The following SLC1A5 variants were observed in gnomAD, a reference collection of about 807,000 sequenced individuals.
SLC1A5 encodes the protein neutral amino acid transporter B(0).
In SLC1A5, 25 loss-of-function variants were observed where a neutral mutation model predicts 34.9. The ratio of observed to expected loss-of-function variants is 0.72; its 90% CI spans 0.52 to 1.00. The LOEUF (loss-of-function observed/expected upper bound fraction) is 1.00, where lower values mean the gene tolerates loss of function less well. Ranked by LOEUF, SLC1A5 falls within the 50% of genes least tolerant of loss-of-function variation. The pLI is 0.00. For synonymous variants in SLC1A5, 351 were observed against 341.2 expected (o/e 1.03, Z -0.32); for missense variants, 637 against 740.0 (o/e 0.86, Z 1.61).
rs921744848 is a variant in SLC1A5, at chr19:46,775,320, A to G, written c.*190T>C. 2.5e-5 allele frequency: 35 copies of G among 1,392,690 alleles called. No homozygotes were observed. The highest frequency in any genetic ancestry group is 3.2e-5 in the Non-Finnish European group (34 of 1,073,522). 86.3% of individuals were successfully genotyped at this position (1,392,690 alleles called of 1,614,324 possible). A position where few individuals can be genotyped will look rare whatever the true frequency, so the allele number is the denominator to read the frequency against. Reference sequence around the variant, plus strand: ...GTGAGAACTGGGGGTTTTGAGGAGTAACCCTTGTGAACACATGTACTCCAG... The same window carrying G: ...GTGAGAACTGGGGGTTTTGAGGAGTGACCCTTGTGAACACATGTACTCCAG... On this transcript the variant is annotated 3_prime_UTR_variant, in exon 8 of 8. Coordinates refer to ENST00000542575, the MANE Select transcript of SLC1A5 (RefSeq NM_005628.3).
rs1244808424 is a variant in SLC1A5, at chr19:46,778,793, C to T, written c.940G>A (p.Ala314Thr). The change falls in exon 5 of 8, where the codon GCC (alanine) becomes ACC (threonine). Residue 314 changes from alanine (A) to threonine (T), a missense_variant. Coordinates refer to ENST00000542575, the MANE Select transcript of SLC1A5 (RefSeq NM_005628.3). ...KYILCCLLGHAIHGLLVLPLI... is the reference protein window; with the variant it reads ...KYILCCLLGHTIHGLLVLPLI... ...GGCAGTACCAGGAGCCCATGGATGG[C>T]GTGACCCAGCAGGCAGCACAGAATG... 5 of 1,613,508 alleles carry T rather than the reference C, an allele frequency of 3.1e-6. No homozygotes were observed. The highest frequency in any genetic ancestry group is 2.2e-5 in the East Asian group (1 of 44,890).
chr19:46,777,462 C>A, intron 5 of SLC1A5, 57 bp from the exon 6 acceptor site: 10 of 1,502,722 alleles, frequency 6.7e-6, no homozygotes, highest in Non-Finnish European at 7.1e-6. Context: ...CTCCGCCCAC[C>A]CTCCAGGTCC....
At chr19:46,784,413 T>A in intron 2 of SLC1A5, 104 bp downstream of exon 2, 3 of 1,280,774 alleles carry the variant, frequency 2.3e-6, no homozygotes, top group Non-Finnish European at 3.4e-6. Flanking sequence ...CTCATTGACA[T>A]GCATTTTTCC....
intron 1 of SLC1A5, among the ~76,000 whole-genome samples, chr19:46,785,418 C>T (rs961452703): frequency 6.6e-6 from 1 of 152,188 alleles, no homozygotes; most frequent in Non-Finnish European, 1.5e-5. Context: ...CAGCACCTAC[C>T]GTGTGGCAGG....
In SLC1A5 at chr19:46,787,992, G is replaced by T; in HGVS notation, c.-27C>A. The stretch of plus-strand genomic sequence containing the variant: ...ATGGGAAGCACCGGGGTTTCTTAGC[G>T]CCTGGAAGCTGGCTGGGAGCGCTTG... On this transcript the variant is annotated 5_prime_UTR_variant, in exon 1 of 8. Coordinates refer to ENST00000542575, the MANE Select transcript of SLC1A5 (RefSeq NM_005628.3). This position sits in a 1 kb window ranked among gnomAD's most constrained non-coding sequence, Gnocchi z 5.2. 6.6e-7 allele frequency: 1 copy of T among 1,518,356 alleles called. No homozygotes were observed. The highest frequency in any genetic ancestry group is 8.8e-7 in the Non-Finnish European group (1 of 1,135,714). 94.1% of individuals were successfully genotyped at this position (1,518,356 alleles called of 1,614,324 possible). A position where few individuals can be genotyped will look rare whatever the true frequency, so the allele number is the denominator to read the frequency against.
Position 46,776,772 on chromosome 19 carries a change from G to A in SLC1A5, c.1388+203C>T, listed in dbSNP as rs2055093381. ...AGTCTGCTGTATTCACCACACAGAC[G>A]CTCTACTTTTCTGACATCCCTCTTA... On this transcript the variant is annotated intron_variant, in intron 7 of 7. Coordinates refer to ENST00000542575, the MANE Select transcript of SLC1A5 (RefSeq NM_005628.3). 1.4e-5 allele frequency: 8 copies of A among 570,800 alleles called. No homozygotes were observed. In the South Asian group the frequency reaches 1.5e-4, roughly 11 times the overall value. The allele number at this position is 570,800 out of a possible 1,614,324, so 35.4% of individuals were successfully genotyped here.
Position 46,777,008 on chromosome 19 carries a change from T to G in SLC1A5, c.1355A>C (p.His452Pro). Residue 452 changes from histidine to proline, a missense_variant, in exon 7 of 8, where the codon CAT becomes CCT. Transcript: ENST00000542575. ...ILEAVNLPVD[H>P]ISLILAVDWL... ...GTCCACAGCCAGGATCAAGGAGATA[T>G]GGTCGACCGGGAGGTTGACTGCTTC... 1 of 1,613,948 alleles carries G rather than the reference T, an allele frequency of 6.2e-7. No individual in the cohort carries two copies. Among genetic ancestry groups the G allele is most frequent in the South Asian group, 1.1e-5 (1 of 91,076 alleles).
At chr19:46,775,798 G>T in intron 7 of SLC1A5, 51 bp from the exon 8 acceptor site, 1 of 1,568,734 alleles carries the variant, frequency 6.4e-7, no homozygotes, top group South Asian at 1.2e-5. Context: ...GAGGGTGAGA[G>T]GGAAGGAAAG....
rs1319454137 is a variant in SLC1A5, at chr19:46,787,716, C to T, written c.250G>A (p.Glu84Lys). Reference sequence around the variant, plus strand: ...GGGAAGACGAAGGCGCTCAAGCGCTCCGGGCCCAACGCCAGCGCACCCCCG... The same window carrying T: ...GGGAAGACGAAGGCGCTCAAGCGCTTCGGGCCCAACGCCAGCGCACCCCCG... ...GAGGALALGP[E>K]RLSAFVFPGE... Residue 84 changes from glutamate (E) to lysine (K), a missense_variant, in exon 1 of 8, where the codon GAG becomes AAG. Glu to Lys is a moderately conservative substitution (Grantham distance 56). Transcript: ENST00000542575. This position sits in a 1 kb window ranked among gnomAD's most constrained non-coding sequence, Gnocchi z 5.2. 1 of 1,575,204 alleles carries T rather than the reference C, an allele frequency of 6.3e-7. No homozygotes were observed. Among genetic ancestry groups the T allele is most frequent in the South Asian group, 1.1e-5 (1 of 87,654 alleles).
At position 46,777,345 on chromosome 19, in the gene SLC1A5, G is replaced by A. The variant is rs2055100319; in HGVS notation, c.1119C>T (p.His373=). The A allele has an allele frequency of 6.2e-7, 1 of 1,613,746 alleles. No homozygotes were observed. Among genetic ancestry groups the A allele is most frequent in the Non-Finnish European group, 8.5e-7 (1 of 1,179,974 alleles). Reference sequence around the variant, plus strand: ...CGATGGGCAGGATGAAACGGCTGATGTGCTTGGCCACGCCATTATTCTCCT... The same window carrying A: ...CGATGGGCAGGATGAAACGGCTGATATGCTTGGCCACGCCATTATTCTCCT... ...CVEENNGVAK[H]ISRFILPIGA... The change falls in exon 6 of 8, where the codon CAC becomes CAT. Residue 373 remains histidine, a synonymous_variant. Transcript: ENST00000542575.
At chr19:46,782,342 T>TCCCACCCCCCCCACCCC in intron 4 of SLC1A5, 41 bp downstream of exon 4, 1 of 523,372 alleles carries the variant, frequency 1.9e-6, no homozygotes, top group Non-Finnish European at 3.5e-6. Context: ...AGACCGACCC[T>TCCCACCCCCCCCACCCC]CCAACCCCAC....
intron 4 of SLC1A5, 33 bp downstream of exon 4, chr19:46,782,350 C>T: frequency 1.6e-6 from 1 of 631,604 alleles, no homozygotes; most frequent in South Asian, 1.8e-5. Flanking sequence ...CCTCCAACCC[C>T]ACCCACCCCC....
intron 4 of SLC1A5, among the ~76,000 whole-genome samples, chr19:46,780,685 T>C (rs549961581): frequency 9.8e-4 from 148 of 151,560 alleles, no homozygotes; most frequent in African/African-American, 3.4e-3. Flanking sequence ...AATAAAAATT[T>C]GAAGGCCAGG....
chr19:46,775,804 G>A, intron 7 of SLC1A5, 57 bp from the exon 8 acceptor site: 2 of 1,560,016 alleles, frequency 1.3e-6, no homozygotes, highest in Non-Finnish European at 1.7e-6. Flanking sequence ...GAGAGGGAAG[G>A]AAAGGGCCAA....
Position 46,777,122 on chromosome 19 carries a change from G to C in SLC1A5, c.1254-13C>G. 1 of 1,613,098 alleles carries C rather than the reference G, an allele frequency of 6.2e-7. No individual in the cohort carries two copies. Among genetic ancestry groups the C allele is most frequent in the Non-Finnish European group, 8.5e-7 (1 of 1,179,532 alleles). ...TGTGGCCGTGACCCTGAGGGAGAAG[G>C]TGGGAGGTTAGGCAGATGCCTGTCT... is the stretch of plus-strand genomic sequence containing the variant. On this transcript the variant is annotated splice_polypyrimidine_tract_variant and intron_variant, in intron 6 of 7. Coordinates refer to ENST00000542575, the MANE Select transcript of SLC1A5 (RefSeq NM_005628.3).
rs1180272226 is a variant in SLC1A5, at chr19:46,788,274, T to A, written c.-309A>T. On this transcript the variant is annotated 5_prime_UTR_variant, in exon 1 of 8. Coordinates refer to ENST00000542575, the MANE Select transcript of SLC1A5 (RefSeq NM_005628.3). Reference sequence around the variant, plus strand: ...GGAGCTGGGAATACGAGAGTTTCTCTGGGTGGGACGTGGGGCCCTTGGCTC... The same window carrying A: ...GGAGCTGGGAATACGAGAGTTTCTCAGGGTGGGACGTGGGGCCCTTGGCTC... 3 of 350,992 alleles carry A rather than the reference T, an allele frequency of 8.5e-6. No homozygotes were observed. Among genetic ancestry groups the A allele is most frequent in the East Asian group, 5.0e-5 (1 of 20,074 alleles). The allele number at this position is 350,992 out of a possible 1,614,324, so 21.7% of individuals were successfully genotyped here.
chr19:46,776,371 A>G lies in SLC1A5; in HGVS notation c.1388+604T>C, dbSNP rs543453194. ...CAGGCGTACACCACCATACCCGGCT[A>G]ATTTTTTTGTATTTTTAGTGGAGAT... On this transcript the variant is annotated intron_variant, in intron 7 of 7. Coordinates refer to ENST00000542575, the MANE Select transcript of SLC1A5 (RefSeq NM_005628.3). Among the ~76,000 whole-genome samples, 5 of 151,816 alleles carry G rather than the reference A, an allele frequency of 3.3e-5. No homozygotes were observed. The East Asian group carries it at 9.8e-4, about 30-fold the overall frequency.
chr19:46,777,225 C>A lies in SLC1A5; in HGVS notation c.1239G>T (p.Lys413Asn), dbSNP rs1243439083. The A allele has an allele frequency of 6.2e-7, 1 of 1,605,462 alleles. No individual in the cohort carries two copies. ...CTGACACTCACAGGATGGTGATGAT[C>A]TTTACGAAGTCCAAGGACTGCTGGC... ...QLSQQSLDFV[K>N]IITILVTATA... The change falls in exon 6 of 8, where the codon AAG becomes AAT. Residue 413 changes from lysine to asparagine, a missense_variant. By Grantham distance (94) the Lys-to-Asn change is moderately conservative (BLOSUM62 0). Coordinates refer to ENST00000542575, the MANE Select transcript of SLC1A5 (RefSeq NM_005628.3).
At chr19:46,781,381 C>T (rs1370984121) in intron 4 of SLC1A5, among the ~76,000 whole-genome samples, 5 of 152,208 alleles carry the variant, frequency 3.3e-5, no homozygotes, top group South Asian at 4.1e-4. Flanking sequence ...GGCGGATCAC[C>T]TGAGGTCGGG....
Sources: allele counts gnomAD v4.1 joint callset (sites outside exome capture counted in the v4.1 genomes callset), GRCh38; gene constraint gnomAD v4.1.1; non-coding constraint Gnocchi (gnomAD v3.1); transcripts MANE v1.5; gene names NCBI Gene and HGNC (gene_info 2026-07-23, HGNC 2026-07-21).